Variants in BAIAP2 observed in about 807,000 individuals in gnomAD.
BAIAP2 encodes the protein BAR/IMD domain-containing adapter protein 2.
BAIAP2 carries 18 observed loss-of-function variants against 63.0 expected under a neutral mutation model. The ratio of observed to expected loss-of-function variants is 0.29; its 90% CI spans 0.20 to 0.42. BAIAP2 has a LOEUF of 0.42. Ranked by LOEUF, BAIAP2 falls within the 10% of genes least tolerant of loss-of-function variation. The pLI is 1.00. For missense variants in BAIAP2, 610 were observed against 734.3 expected, an observed-to-expected ratio of 0.83 and a Z score of 1.96; for synonymous variants, 386 against 307.6, an observed-to-expected ratio of 1.25 and a Z score of -2.67.
At chr17:81,085,879 C>T (rs34777467) in intron 5 of BAIAP2, among the ~76,000 whole-genome samples, 154 bp downstream of exon 5, 23,703 of 152,244 alleles carry the variant, frequency 0.16, 2,424 homozygotes, top group Non-Finnish European at 0.22. Context: ...CATTTGGGAC[C>T]GAGTGCCCCT....
intron 6 of BAIAP2, 92 bp downstream of exon 6, chr17:81,086,672 C>T: frequency 3.5e-6 from 5 of 1,447,018 alleles, no homozygotes; most frequent in East Asian, 2.3e-5. Flanking sequence ...TGGACAGCAG[C>T]CCCCCAGGTG....
At chr17:81,078,949 T>C (rs1458553046) in intron 3 of BAIAP2, among the ~76,000 whole-genome samples, 1 of 152,024 alleles carries the variant, frequency 6.6e-6, no homozygotes, top group Non-Finnish European at 1.5e-5. Context: ...CCCATGCTGG[T>C]TGGGGTAAGA....
At chr17:81,045,527 C>T (rs910898397) in intron 1 of BAIAP2, among the ~76,000 whole-genome samples, 8 of 152,034 alleles carry the variant, frequency 5.3e-5, no homozygotes, top group Non-Finnish European at 8.8e-5. Flanking sequence ...TGGCGGGAGG[C>T]CACCTGCTCC....
At chr17:81,089,578 T>TCTCAGGTGGGGGACA (rs11268331) in intron 6 of BAIAP2, among the ~76,000 whole-genome samples, 152,059 of 152,204 alleles carry the variant, frequency 1, 75,957 homozygotes, top group Middle Eastern at 1. Flanking sequence ...AGCACCTGTT[T>TCTCAGGTGGGGGACA]CCCAACGGCT....
intron 13 of BAIAP2, among the ~76,000 whole-genome samples, chr17:81,112,628 C>T (rs544218795): frequency 4.6e-5 from 7 of 152,342 alleles, no homozygotes; most frequent in East Asian, 1.9e-4. Flanking sequence ...AAACAGCTGA[C>T]GCGAGAAGAC....
At chr17:81,064,177 C>T (rs1239911690) in intron 3 of BAIAP2, among the ~76,000 whole-genome samples, 1 of 152,262 alleles carries the variant, frequency 6.6e-6, no homozygotes, top group Non-Finnish European at 1.5e-5. Flanking sequence ...CACTTTCATT[C>T]TTCGCACCTT....
intron 7 of BAIAP2, among the ~76,000 whole-genome samples, chr17:81,103,161 AC>A (rs2058717926): frequency 6.6e-6 from 1 of 152,044 alleles, no homozygotes; most frequent in Non-Finnish European, 1.5e-5. Flanking sequence ...CCTTCCTGGC[AC>A]TTTGGGGTTT....
chr17:81,085,454 C>G, intron 4 of BAIAP2, 200 bp from the exon 5 acceptor site: 1 of 695,510 alleles, frequency 1.4e-6, no homozygotes, highest in Non-Finnish European at 2.6e-6. Flanking sequence ...GTTCCAGACT[C>G]CTGTTCAGCA....
intron 13 of BAIAP2, among the ~76,000 whole-genome samples, chr17:81,115,159 C>T (rs1317301423): frequency 1.3e-5 from 2 of 152,214 alleles, no homozygotes; most frequent in Admixed American, 1.3e-4. Flanking sequence ...GGGGAGGGCG[C>T]GGCACCCCTC....
rs186604902 is a variant in BAIAP2 at position 81,086,577 on chromosome 17, G to C, written c.486G>C (p.Leu162=). Residue 162 remains leucine (L), a synonymous_variant, in exon 6 of 14, where the codon CTG becomes CTC. Coordinates refer to ENST00000428708, the MANE Select transcript of BAIAP2 (RefSeq NM_001144888.2). ...KNPQKYSDKE[L]QYIDAISNKQ... Reference sequence around the variant, plus strand: ...CTCAGAAGTACTCGGACAAGGAGCTGCAGGTAGGCCCGCCACCCCCGCTGT... The same window carrying C: ...CTCAGAAGTACTCGGACAAGGAGCTCCAGGTAGGCCCGCCACCCCCGCTGT... 6.2e-7 allele frequency: 1 copy of C among 1,613,000 alleles called. No homozygotes were observed. The highest frequency in any genetic ancestry group is 8.5e-7 in the Non-Finnish European group (1 of 1,179,970).
intron 6 of BAIAP2, among the ~76,000 whole-genome samples, chr17:81,095,741 C>T (rs933709660): frequency 6.6e-6 from 1 of 152,152 alleles, no homozygotes; most frequent in Non-Finnish European, 1.5e-5. Flanking sequence ...ACCGTGCAGC[C>T]GTACTTTCTG....
At chr17:81,089,214 G>A (rs116786615) in intron 6 of BAIAP2, among the ~76,000 whole-genome samples, 1,819 of 152,340 alleles carry the variant, frequency 0.012, 35 homozygotes, top group African/African-American at 0.041. Context: ...GCACTTTTGA[G>A]GTCTGTTGGG....
Position 81,084,820 on chromosome 17 carries a change from T to C in BAIAP2, c.218-12T>C, listed in dbSNP as rs1598702957. ...GACTCCCTCCCCTTCCTTCTGCTGT[T>C]CTGCTTCCCAGGAGACGTTCTCTTC... On this transcript the variant is annotated splice_polypyrimidine_tract_variant and intron_variant, in intron 3 of 13. Coordinates refer to ENST00000428708, the MANE Select transcript of BAIAP2 (RefSeq NM_001144888.2). 6.2e-7 allele frequency: 1 copy of C among 1,613,404 alleles called. No homozygotes were observed. Among genetic ancestry groups the C allele is most frequent in the Non-Finnish European group, 8.5e-7 (1 of 1,179,938 alleles).
intron 6 of BAIAP2, among the ~76,000 whole-genome samples, chr17:81,088,718 C>T (rs2056168537): frequency 6.6e-6 from 1 of 152,230 alleles, no homozygotes; most frequent in Non-Finnish European, 1.5e-5. Flanking sequence ...GCCTTTCTTC[C>T]TTTTCATGGC....
intron 13 of BAIAP2, chr17:81,110,107 G>A: frequency 2.0e-6 from 2 of 985,440 alleles, no homozygotes; most frequent in South Asian, 4.7e-5. Flanking sequence ...GCACAGCCCG[G>A]CTCAGCCTGC....
chr17:81,109,536 G>A, intron 13 of BAIAP2: 1 of 985,638 alleles, frequency 1.0e-6, no homozygotes, highest in Non-Finnish European at 1.2e-6. Flanking sequence ...AGGTGCTGGG[G>A]TCCCTGGCCG....
intron 13 of BAIAP2, among the ~76,000 whole-genome samples, chr17:81,110,675 C>T (rs966297548): frequency 1.3e-5 from 2 of 152,222 alleles, no homozygotes; most frequent in African/African-American, 4.8e-5. Context: ...GCTCACTCTG[C>T]CCGGGCTCTG....
At chr17:81,062,639 T>C (rs1055459579) in intron 3 of BAIAP2, among the ~76,000 whole-genome samples, 1 of 152,156 alleles carries the variant, frequency 6.6e-6, no homozygotes, top group African/African-American at 2.4e-5. Context: ...CCTGTGTCTT[T>C]ACTGTTCCTG....
intron 13 of BAIAP2, 49 bp downstream of exon 13, chr17:81,108,558 A>G (rs753431926): frequency 1.2e-6 from 2 of 1,611,300 alleles, no homozygotes; most frequent in South Asian, 1.1e-5. Context: ...GGGTGTGAAG[A>G]GGCCGGGTGG....
Sources: gnomAD v4.1 joint callset for allele counts (sites outside exome capture counted in the v4.1 genomes callset) on GRCh38, gnomAD v4.1.1 for gene constraint, MANE v1.5 for transcripts, NCBI Gene and HGNC (gene_info 2026-07-23, HGNC 2026-07-21) for gene names.